NTRK1: variants seen among roughly 807,000 people sequenced by gnomAD.
NTRK1 encodes high affinity nerve growth factor receptor.
Under a neutral mutation model 86.8 loss-of-function variants are expected in NTRK1, and 62 were observed. The ratio of observed to expected loss-of-function variants is 0.71; its 90% confidence interval spans 0.58 to 0.88. The LOEUF (loss-of-function observed/expected upper bound fraction) is 0.88, where lower values mean the gene tolerates loss of function less well. NTRK1 is among the 40% of genes least tolerant of loss of function. The pLI, the probability that NTRK1 is intolerant of heterozygous loss-of-function variation, is 0.00. For missense variants in NTRK1, 967 were observed against 1,078.4 expected, an observed-to-expected ratio of 0.90 and a Z score of 1.45; for synonymous variants, 469 against 456.6, an observed-to-expected ratio of 1.03 and a Z score of -0.35.
At chr1:156,858,688 T>C, upstream of NTRK1, 1 of 1,352,896 alleles carries the variant, frequency 7.4e-7, no homozygotes. Context: ...AACGGTGTGA[T>C]AAGCCCTAAG....
chr1:156,849,328 G>A (rs776961174), intron 2 of NTRK1: 1 of 1,613,962 alleles, frequency 6.2e-7, no homozygotes, highest in East Asian at 2.2e-5. Flanking sequence ...CCTCCAGTCG[G>A]TAGATGTGTT....
Position 156,842,197 on chromosome 1 carries a change from G to A in NTRK1, c.50+4G>A, listed in dbSNP as rs1164232937. Reference sequence around the variant, plus strand: ...GCACAAACTTGTTGGCAGCAAGGTAGGCCATGCCGTCTGCAATCTCACCAG... The same window carrying A: ...GCACAAACTTGTTGGCAGCAAGGTAAGCCATGCCGTCTGCAATCTCACCAG... On this transcript the variant is annotated splice_donor_region_variant and intron_variant, in intron 2 of 16. Transcript: ENST00000392302. 1.9e-6 allele frequency: 3 copies of A among 1,613,966 alleles called. No individual in the cohort carries two copies. The African/African-American group carries it at 4.0e-5, about 22-fold the overall frequency.
chr1:156,871,506 C>T, intron 6 of NTRK1, 117 bp from the exon 7 acceptor site: 1 of 1,101,398 alleles, frequency 9.1e-7, no homozygotes, highest in Non-Finnish European at 1.3e-6. Context: ...CCCTTCTCTT[C>T]CCTCCCAGCC....
chr1:156,845,773 C>T lies in NTRK1; in HGVS notation c.50+3580C>T, dbSNP rs536465147. 2.5e-6 allele frequency: 4 copies of T among 1,613,140 alleles called. No homozygotes were observed. The East Asian group carries it at 8.9e-5, about 36-fold the overall frequency. On this transcript the variant is annotated intron_variant, in intron 2 of 16. Coordinates refer to the NTRK1 transcript ENST00000392302. ...TCGGCCTCAGGATCCCCGTCTTCGC[C>T]GTCGAAGCGCGGATCGTTGTTGCTG...
upstream of NTRK1, chr1:156,860,836 C>G (rs1437679640): frequency 2.2e-6 from 3 of 1,358,758 alleles, no homozygotes; most frequent in African/African-American, 4.6e-5. Flanking sequence ...GCGGCTGGGT[C>G]TTTAACACCG....
At chr1:156,845,753 C>T (rs1654977028) in intron 2 of NTRK1, 2 of 1,613,436 alleles carry the variant, frequency 1.2e-6, no homozygotes, top group African/African-American at 2.7e-5. Flanking sequence ...CCATCTCGGC[C>T]TCAGGATCCC....
intron 1 of NTRK1, chr1:156,841,725 A>C: frequency 6.2e-7 from 1 of 1,614,068 alleles, no homozygotes. Context: ...CATCCAGCGC[A>C]CGGGCAGCAG....
At chr1:156,851,876 C>G (rs1453708536) in intron 2 of NTRK1, 2 of 1,577,874 alleles carry the variant, frequency 1.3e-6, no homozygotes, top group African/African-American at 1.3e-5. Flanking sequence ...CCCCCACCCT[C>G]CCTACACTCA....
chr1:156,849,730 G>C (rs1200095388), intron 2 of NTRK1, among the ~76,000 whole-genome samples: 1 of 151,894 alleles, frequency 6.6e-6, no homozygotes, highest in Non-Finnish European at 1.5e-5. Context: ...TCCTTCCCTC[G>C]ACTCTCTTTG....
chr1:156,867,123 C>T (rs922905123), intron 4 of NTRK1, 145 bp downstream of exon 4: 2 of 864,836 alleles, frequency 2.3e-6, no homozygotes, highest in Admixed American at 2.0e-5. Flanking sequence ...CCAGTGAAAC[C>T]CCCATCAAAG....
chr1:156,841,677 T>A, intron 1 of NTRK1: 4 of 1,613,644 alleles, frequency 2.5e-6, no homozygotes, highest in Non-Finnish European at 3.4e-6. Context: ...GACATCCGAG[T>A]GGGTGGTGAA....
rs993524504 is a variant in NTRK1, at chr1:156,879,429, C to T, written c.2046+67C>T. The T allele has an allele frequency of 5.2e-5, 80 of 1,542,578 alleles. 2 individuals are homozygous for T. The South Asian group carries it at 9.3e-4, about 18-fold the overall frequency. ...CTGTAGACACCCTGGATCCCAAGAC[C>T]ACTGAGAGCCTGCCCTTGCTAGGAT... On this transcript the variant is annotated intron_variant, in intron 15 of 16. Coordinates refer to ENST00000524377, the MANE Select transcript of NTRK1 (RefSeq NM_002529.4).
At chr1:156,845,512 C>G in intron 2 of NTRK1, 7 of 1,483,970 alleles carry the variant, frequency 4.7e-6, no homozygotes, top group Non-Finnish European at 6.3e-6. Flanking sequence ...ACCCGGGACC[C>G]GCCCACACAA....
intron 8 of NTRK1, 115 bp downstream of exon 8, chr1:156,874,074 G>A (rs2102907170): frequency 2.7e-6 from 3 of 1,124,456 alleles, no homozygotes; most frequent in African/African-American, 1.6e-5. Flanking sequence ...GGACAGAAAG[G>A]AGTCTGGAGT....
At chr1:156,858,602 C>T (rs1295367511), upstream of NTRK1, 6 of 1,614,098 alleles carry the variant, frequency 3.7e-6, no homozygotes, top group East Asian at 2.2e-5. Context: ...TCCCCAGGGC[C>T]ACAGACTAGG....
intron 2 of NTRK1, among the ~76,000 whole-genome samples, chr1:156,850,534 C>CTTTTTTTTTTTTT (rs35237064): frequency 5.1e-5 from 3 of 58,618 alleles, no homozygotes; most frequent in Non-Finnish European, 3.6e-5. Flanking sequence ...TTAAAACATT[C>CTTTTTTTTTTTTT]TTTTTTTTTT....
chr1:156,863,570 G>T (rs139856154), intron 1 of NTRK1, among the ~76,000 whole-genome samples: 109 of 152,188 alleles, frequency 7.2e-4, no homozygotes, highest in African/African-American at 2.2e-3. Context: ...TGCTTGATCT[G>T]CTGAAAAGAT....
At position 156,841,031 on chromosome 1, in the gene NTRK1, T is replaced by A. The variant is rs754153291; in HGVS notation, c.-63-1050T>A. 8 of 1,602,582 alleles carry A rather than the reference T, an allele frequency of 5.0e-6. No individual in the cohort carries two copies. The highest frequency in any genetic ancestry group is 6.8e-6 in the Non-Finnish European group (8 of 1,174,388). On this transcript the variant is annotated intron_variant, in intron 1 of 16. Transcript: ENST00000392302. ...AAGGAGGGCCGCAGCTCCTCCTGTATGCTGTCCAGAATGTGTGTGAAAGAT... is the reference window on the plus strand; with the variant it reads ...AAGGAGGGCCGCAGCTCCTCCTGTAAGCTGTCCAGAATGTGTGTGAAAGAT...
chr1:156,865,389 C>A (rs1655880769), intron 3 of NTRK1, among the ~76,000 whole-genome samples: 1 of 152,180 alleles, frequency 6.6e-6, no homozygotes, highest in South Asian at 2.1e-4. Flanking sequence ...TAGTTAGATT[C>A]TCAAAAGGAG....
Sources: allele counts gnomAD v4.1 joint callset (sites outside exome capture counted in the v4.1 genomes callset), GRCh38; gene constraint gnomAD v4.1.1; transcripts MANE v1.5; gene names NCBI Gene and HGNC (gene_info 2026-07-23, HGNC 2026-07-21).